The following CALN1 variants were observed in gnomAD, a reference collection of about 807,000 sequenced individuals.
The protein encoded by CALN1 is calneuron 1.
Under a neutral mutation model 30.6 loss-of-function variants are expected in CALN1, and 17 were observed. That is an observed-to-expected ratio of 0.56 (90% CI 0.38 to 0.83). The LOEUF is 0.83. Ranked by LOEUF, CALN1 falls within the 40% of genes least tolerant of loss-of-function variation. CALN1 has a pLI of 0.00. For missense variants in CALN1, 291 were observed against 354.9 expected, an observed-to-expected ratio of 0.82 and a Z score of 1.45; for synonymous variants, 156 against 131.4, an observed-to-expected ratio of 1.19 and a Z score of -1.28.
chr7:72,065,593 G>C (rs1803965639), intron 4 of CALN1, among the ~76,000 whole-genome samples: 1 of 152,132 alleles, frequency 6.6e-6, no homozygotes, highest in Non-Finnish European at 1.5e-5. Context: ...GTCCCATTGA[G>C]ATCCCGGTTC....
chr7:72,468,401 C>T, the CALN1 span, among the ~76,000 whole-genome samples: 4 of 152,182 alleles, frequency 2.6e-5, no homozygotes, highest in Admixed American at 6.5e-5. Context: ...GCAACCTCCA[C>T]CTCCTGGACT....
At chr7:71,841,143 G>A (rs1032437990) in intron 5 of CALN1, among the ~76,000 whole-genome samples, 2 of 152,154 alleles carry the variant, frequency 1.3e-5, no homozygotes, top group Non-Finnish European at 2.9e-5. Flanking sequence ...AATCCTAGGA[G>A]AGGAGATGAA....
At chr7:72,064,644 C>G (rs1388739521) in intron 4 of CALN1, among the ~76,000 whole-genome samples, 1 of 152,230 alleles carries the variant, frequency 6.6e-6, no homozygotes, top group Admixed American at 6.5e-5. Flanking sequence ...ATAGAATCTT[C>G]TAACTCAAGG....
At chr7:72,203,824 A>G (rs1320840390) in intron 3 of CALN1, among the ~76,000 whole-genome samples, 1 of 151,948 alleles carries the variant, frequency 6.6e-6, no homozygotes, top group Non-Finnish European at 1.5e-5. Flanking sequence ...TTTTTTTTCT[A>G]AGTGCAAAAG....
chr7:72,300,854 A>G (rs527746908), intron 2 of CALN1, among the ~76,000 whole-genome samples: 69 of 152,168 alleles, frequency 4.5e-4, no homozygotes, highest in African/African-American at 1.6e-3. Context: ...TTAGCTGGGC[A>G]TGGTGGCACG....
intron 5 of CALN1, among the ~76,000 whole-genome samples, chr7:71,956,170 T>C (rs534711674): frequency 6.6e-6 from 1 of 152,210 alleles, no homozygotes; most frequent in South Asian, 2.1e-4. Context: ...GTATTTTTAG[T>C]AGAGACGGAG....
intron 2 of CALN1, among the ~76,000 whole-genome samples, chr7:72,402,623 C>G (rs1392232420): frequency 6.6e-6 from 1 of 152,056 alleles, no homozygotes; most frequent in Non-Finnish European, 1.5e-5. Context: ...TGAGGGTCTC[C>G]GAGGAAAAGA....
chr7:72,483,010 G>A, the CALN1 span, among the ~76,000 whole-genome samples: 1 of 152,106 alleles, frequency 6.6e-6, no homozygotes, highest in East Asian at 1.9e-4. Flanking sequence ...TATTTTGTTT[G>A]TTTGTTTACT....
rs1007189501 is a variant in CALN1, at chr7:71,976,748, C to T, written c.501+46909G>A. Among the ~76,000 whole-genome samples the T allele has an allele frequency of 2.0e-5, 3 of 152,162 alleles. No individual in the cohort carries two copies. In the South Asian group the frequency reaches 6.2e-4, roughly 32 times the overall value. On this transcript the variant is annotated intron_variant, in intron 5 of 6. Transcript: ENST00000395275. Reference sequence around the variant, plus strand: ...TAGAAAAAGAAACAACTGGCTGAAACTCCCTCTGCTTATGAGATAAAAGAA... The same window carrying T: ...TAGAAAAAGAAACAACTGGCTGAAATTCCCTCTGCTTATGAGATAAAAGAA...
chr7:71,912,914 G>A (rs1187797763), intron 5 of CALN1, among the ~76,000 whole-genome samples: 3 of 152,148 alleles, frequency 2.0e-5, no homozygotes, highest in Non-Finnish European at 2.9e-5. Context: ...TGCCACTACC[G>A]ACTTGACGGA....
intron 2 of CALN1, among the ~76,000 whole-genome samples, chr7:72,399,394 C>T (rs555831092): frequency 3.8e-3 from 570 of 151,698 alleles, no homozygotes; most frequent in Non-Finnish European, 4.7e-3. Context: ...CCTCAGCCTC[C>T]CGAGTAGCTG....
intron 4 of CALN1, among the ~76,000 whole-genome samples, chr7:72,025,077 G>A (rs549353667): frequency 6.6e-5 from 10 of 152,110 alleles, no homozygotes; most frequent in African/African-American, 2.4e-4. Context: ...TTGGAAGGCC[G>A]AGGTGGGTGG....
chr7:72,344,562 A>T (rs1802528283), intron 2 of CALN1, among the ~76,000 whole-genome samples: 1 of 147,258 alleles, frequency 6.8e-6, no homozygotes, highest in Non-Finnish European at 1.5e-5. Flanking sequence ...AAATATATAT[A>T]TATATTTATT....
At chr7:71,900,421 G>T (rs1242339268) in intron 5 of CALN1, among the ~76,000 whole-genome samples, 1 of 152,168 alleles carries the variant, frequency 6.6e-6, no homozygotes, top group Non-Finnish European at 1.5e-5. Context: ...TAAAGACTCT[G>T]CCAAAAGACT....
chr7:72,123,001 G>C (rs1345931052), intron 3 of CALN1, among the ~76,000 whole-genome samples: 6 of 152,152 alleles, frequency 3.9e-5, no homozygotes, highest in African/African-American at 1.2e-4. Flanking sequence ...ATTTTGTTAT[G>C]GGGGAGAGAG....
chr7:72,375,046 TG>T (rs1398790779), intron 2 of CALN1, among the ~76,000 whole-genome samples: 1 of 152,180 alleles, frequency 6.6e-6, no homozygotes, highest in Admixed American at 6.5e-5. Context: ...GCATCCAGAT[TG>T]GAAAAAAAGA....
intron 3 of CALN1, among the ~76,000 whole-genome samples, chr7:72,217,717 C>T (rs1260661897): frequency 6.6e-6 from 1 of 151,782 alleles, no homozygotes; most frequent in Admixed American, 6.6e-5. Context: ...GTGGCTCACA[C>T]CTATAATCCT....
intron 3 of CALN1, among the ~76,000 whole-genome samples, chr7:72,193,916 G>A (rs1236925023): frequency 6.6e-6 from 1 of 152,056 alleles, no homozygotes; most frequent in Non-Finnish European, 1.5e-5. Context: ...CTATGAGGAT[G>A]CAAAGGCATA....
intron 1 of CALN1, among the ~76,000 whole-genome samples, chr7:72,407,432 G>A (rs938083770): frequency 4.6e-5 from 7 of 152,172 alleles, no homozygotes; most frequent in African/African-American, 7.2e-5. Context: ...ACTGGATCAC[G>A]GGGGTGTATT....
Sources: gnomAD v4.1 joint callset for allele counts (sites outside exome capture counted in the v4.1 genomes callset) on GRCh38, gnomAD v4.1.1 for gene constraint, MANE v1.5 for transcripts, NCBI Gene and HGNC (gene_info 2026-07-23, HGNC 2026-07-21) for gene names.